Variants in ERG observed in about 807,000 individuals in gnomAD.
ERG encodes the protein ETS transcription factor ERG, also known as transcriptional regulator ERG.
ERG carries 9 observed loss-of-function variants against 55.3 expected under a neutral mutation model. The observed-to-expected ratio is 0.16, with a 90% CI of 0.10 to 0.28. The LOEUF (loss-of-function observed/expected upper bound fraction) is 0.28. Ranked by LOEUF, ERG falls within the 10% of genes least tolerant of loss-of-function variation. ERG has a pLI of 1.00. For synonymous variants in ERG, 223 were observed against 237.3 expected (o/e 0.94, Z 0.55); for missense variants, 434 against 631.6 (o/e 0.69, Z 3.35).
At chr21:38,514,990 A>G (rs2059540991) in intron 2 of ERG, among the ~76,000 whole-genome samples, 2 of 152,158 alleles carry the variant, frequency 1.3e-5, no homozygotes, top group Non-Finnish European at 1.5e-5. Context: ...TGTTTTCATT[A>G]GCATTAAAAA....
intron 2 of ERG, among the ~76,000 whole-genome samples, chr21:38,550,946 C>A (rs1008952954): frequency 6.6e-6 from 1 of 152,160 alleles, no homozygotes; most frequent in Non-Finnish European, 1.5e-5. Flanking sequence ...AACCTTTGTA[C>A]ACAAAAGAAT....
rs768107819 is a variant in ERG at position 38,592,001 on chromosome 21, G to A, written c.-149-7056C>T. Among the ~76,000 whole-genome samples, 4 of 152,326 alleles carry A rather than the reference G, an allele frequency of 2.6e-5. No homozygotes were observed. In the Middle Eastern group the frequency reaches 0.01, roughly 389 times the overall value. ...TTCTAGAGCCAGGGCACTTAAGGAC[G>A]TTACTGTCTGGGGAAGAGGTAGAGG... On this transcript the variant is annotated intron_variant, in intron 1 of 10. Coordinates refer to the ERG transcript ENST00000398910.
intron 1 of ERG, among the ~76,000 whole-genome samples, chr21:38,494,024 G>A (rs1228040481): frequency 6.6e-6 from 1 of 152,244 alleles, no homozygotes; most frequent in Non-Finnish European, 1.5e-5. Context: ...GAGGATGGGT[G>A]CGAGACAGGG....
intron 1 of ERG, among the ~76,000 whole-genome samples, chr21:38,612,006 A>G (rs1193535535): frequency 6.6e-6 from 1 of 152,176 alleles, no homozygotes; most frequent in Non-Finnish European, 1.5e-5. Flanking sequence ...ATTTAGTTGG[A>G]GACCTTTTAA....
intron 2 of ERG, among the ~76,000 whole-genome samples, chr21:38,564,130 A>G (rs1456067762): frequency 6.6e-6 from 1 of 151,794 alleles, no homozygotes; most frequent in African/African-American, 2.4e-5. Context: ...TTTGCACAGA[A>G]CCCAGAAATC....
At chr21:38,601,618 G>A (rs911827294) in intron 1 of ERG, among the ~76,000 whole-genome samples, 2 of 152,188 alleles carry the variant, frequency 1.3e-5, no homozygotes, top group African/African-American at 2.4e-5. Flanking sequence ...TTGACTCCCC[G>A]AGTTTCTCAT....
chr21:38,620,553 T>C (rs540479327), intron 1 of ERG, among the ~76,000 whole-genome samples: 1 of 152,370 alleles, frequency 6.6e-6, no homozygotes, highest in African/African-American at 2.4e-5. Context: ...GAATTTTTAA[T>C]ACATTTAAAA....
chr21:38,602,161 A>G (rs2060167979), intron 1 of ERG, among the ~76,000 whole-genome samples: 1 of 152,180 alleles, frequency 6.6e-6, no homozygotes, highest in Non-Finnish European at 1.5e-5. Context: ...TAAAGAAACC[A>G]CAGCCAGGCA....
intron 6 of ERG, 61 bp downstream of exon 6, chr21:38,400,513 A>T: frequency 7.5e-7 from 1 of 1,331,512 alleles, no homozygotes; most frequent in Non-Finnish European, 1.1e-6. Flanking sequence ...TAGGGCACGG[A>T]TCTCAGCAGG....
chr21:38,583,682 A>G (rs1327570467), intron 1 of ERG, among the ~76,000 whole-genome samples: 1 of 152,220 alleles, frequency 6.6e-6, no homozygotes, highest in African/African-American at 2.4e-5. Flanking sequence ...AGGCAATCAA[A>G]TTAAAGTGAG....
chr21:38,382,216 T>C lies in ERG; in HGVS notation c.*1187A>G, dbSNP rs1473854201. The C allele has an allele frequency of 6.7e-6, 7 of 1,046,956 alleles. No homozygotes were observed. Among genetic ancestry groups the C allele is most frequent in the Non-Finnish European group, 8.1e-6 (7 of 867,040 alleles). The allele number at this position is 1,046,956 out of a possible 1,614,324, so 64.9% of individuals were successfully genotyped here. On this transcript the variant is annotated 3_prime_UTR_variant, in exon 10 of 10. Coordinates refer to ENST00000288319, the MANE Select transcript of ERG (RefSeq NM_182918.4). Reference sequence around the variant, plus strand: ...TCGTAGTGTATAAATGCATAAGTTATATAATTATTATATAAAAAGGGGGAA... The same window carrying C: ...TCGTAGTGTATAAATGCATAAGTTACATAATTATTATATAAAAAGGGGGAA...
At chr21:38,454,106 C>T (rs2058966314) in intron 1 of ERG, among the ~76,000 whole-genome samples, 1 of 152,160 alleles carries the variant, frequency 6.6e-6, no homozygotes, top group African/African-American at 2.4e-5. Context: ...TCTCTAATCA[C>T]TGTTATACGT....
At chr21:38,462,631 C>T (rs1032393445) in intron 1 of ERG, among the ~76,000 whole-genome samples, 8 of 152,092 alleles carry the variant, frequency 5.3e-5, no homozygotes, top group African/African-American at 1.9e-4. Flanking sequence ...TTTTTAAAGC[C>T]AATATTGAGC....
Position 38,498,474 on chromosome 21 carries a change from G to T in ERG, c.-94C>A. On this transcript the variant is annotated 5_prime_UTR_variant, in exon 1 of 10. Coordinates refer to ENST00000288319, the MANE Select transcript of ERG (RefSeq NM_182918.4). The surrounding 1 kb of genome is among the most constrained non-coding windows in gnomAD (Gnocchi z 4.6). Reference sequence around the variant, plus strand: ...TAGTTTTGATGAGGTTGTTTAGAGCGGATGAGATTGTGCTAAGTCTGGGAA... The same window carrying T: ...TAGTTTTGATGAGGTTGTTTAGAGCTGATGAGATTGTGCTAAGTCTGGGAA... 1.3e-6 allele frequency: 2 copies of T among 1,541,586 alleles called. No homozygotes were observed. The highest frequency in any genetic ancestry group is 8.7e-7 in the Non-Finnish European group (1 of 1,145,768).
At chr21:38,368,480 G>T in the ERG span, among the ~76,000 whole-genome samples, 20 of 152,114 alleles carry the variant, frequency 1.3e-4, no homozygotes, top group Admixed American at 1.0e-3. Context: ...GTTGATGAAT[G>T]CTCATGAAAA....
chr21:38,459,878 A>G (rs947808705), intron 1 of ERG, among the ~76,000 whole-genome samples: 1 of 152,234 alleles, frequency 6.6e-6, no homozygotes, highest in Non-Finnish European at 1.5e-5. Context: ...AGCCACAGAT[A>G]ATTTTTGAAA....
chr21:38,462,022 C>T (rs1419996120), intron 1 of ERG, among the ~76,000 whole-genome samples: 2 of 151,662 alleles, frequency 1.3e-5, no homozygotes, highest in Non-Finnish European at 2.9e-5. Context: ...CGCCCTGTTG[C>T]CCAGGCTGGA....
chr21:38,517,421 C>A (rs2059560333), intron 2 of ERG, among the ~76,000 whole-genome samples: 1 of 151,810 alleles, frequency 6.6e-6, no homozygotes. Flanking sequence ...ATCATCATAC[C>A]TTAGTTAGAA....
chr21:38,569,098 C>T (rs908247607), intron 2 of ERG, among the ~76,000 whole-genome samples: 3 of 152,204 alleles, frequency 2.0e-5, no homozygotes, highest in Non-Finnish European at 4.4e-5. Context: ...TCGCTGTGCC[C>T]GAAGTGTTTG....
Sources: gnomAD v4.1 joint callset for allele counts (sites outside exome capture counted in the v4.1 genomes callset) on GRCh38, gnomAD v4.1.1 for gene constraint, Gnocchi (gnomAD v3.1) non-coding constraint, MANE v1.5 for transcripts, NCBI Gene and HGNC (gene_info 2026-07-23, HGNC 2026-07-21) for gene names.